Variants in SLC25A15 observed in about 807,000 individuals in gnomAD.
The protein encoded by SLC25A15 is solute carrier family 25 member 15, also known as mitochondrial ornithine transporter 1.
In SLC25A15, 24 loss-of-function variants were observed where a neutral mutation model predicts 32.3. The ratio of observed to expected loss-of-function variants is 0.74; its 90% CI spans 0.54 to 1.04. The LOEUF is 1.04. Ranked by LOEUF, SLC25A15 falls within the 50% of genes least tolerant of loss-of-function variation. The pLI is 0.00. For synonymous variants in SLC25A15, 132 were observed against 142.1 expected, an observed-to-expected ratio of 0.93 and a Z score of 0.51; for missense variants, 317 against 374.5, an observed-to-expected ratio of 0.85 and a Z score of 1.27.
chr13:40,799,521 G>A (rs994159928), intron 3 of SLC25A15, among the ~76,000 whole-genome samples: 3 of 152,084 alleles, frequency 2.0e-5, no homozygotes, highest in African/African-American at 7.2e-5. Context: ...ATCTACTGTT[G>A]TATGGTCACA....
In SLC25A15 at chr13:40,808,529, A is replaced by G. The variant is rs144631850; in HGVS notation, c.714A>G (p.Gln238=). ...TGGATTGTATCAAATCCAGAATTCAAGTTCTTTCCATGTCTGGAAAACAGG... is the reference window on the plus strand; with the variant it reads ...TGGATTGTATCAAATCCAGAATTCAGGTTCTTTCCATGTCTGGAAAACAGG... ...YPVDCIKSRI[Q]VLSMSGKQAG... The change falls in exon 6 of 7, where the codon CAA becomes CAG. Residue 238 remains glutamine, a synonymous_variant. Transcript: ENST00000338625. The G allele has an allele frequency of 5.6e-6, 9 of 1,612,526 alleles. No individual in the cohort carries two copies. The African/African-American group carries it at 1.2e-4, about 22-fold the overall frequency.
At chr13:40,797,199 G>T (rs976316616) in intron 2 of SLC25A15, among the ~76,000 whole-genome samples, 3 of 152,136 alleles carry the variant, frequency 2.0e-5, no homozygotes, top group Non-Finnish European at 2.9e-5. Flanking sequence ...GACAGTTGTT[G>T]CTAGCATTTG....
chr13:40,804,470 G>A (rs1407490640), intron 3 of SLC25A15, among the ~76,000 whole-genome samples: 1 of 152,132 alleles, frequency 6.6e-6, no homozygotes, highest in Admixed American at 6.6e-5. Context: ...GGGAACTGGG[G>A]TGCTGCTGTC....
intron 3 of SLC25A15, among the ~76,000 whole-genome samples, chr13:40,799,982 GTATT>G (rs1767301897): frequency 6.6e-6 from 1 of 152,182 alleles, no homozygotes; most frequent in South Asian, 2.1e-4. Flanking sequence ...CTTGCCTTGG[GTATT>G]TATTATATAG....
chr13:40,793,437 A>G (rs1239492904), intron 2 of SLC25A15, among the ~76,000 whole-genome samples, 156 bp downstream of exon 2: 2 of 152,236 alleles, frequency 1.3e-5, no homozygotes, highest in African/African-American at 4.8e-5. Context: ...GTTGCCTGCA[A>G]CATCCAGTAC....
chr13:40,804,526 G>A (rs563512817), intron 3 of SLC25A15, among the ~76,000 whole-genome samples: 1 of 147,974 alleles, frequency 6.8e-6, no homozygotes, highest in African/African-American at 2.5e-5. Context: ...GCACATGCAA[G>A]TTTCCTTCCT....
rs1881570937 is a variant in SLC25A15 at position 40,793,234 on chromosome 13, C to G, written c.8C>G (p.Ser3Cys). The G allele has an allele frequency of 2.5e-6, 4 of 1,614,150 alleles. No individual in the cohort carries two copies. The highest frequency in any genetic ancestry group is 3.4e-6 in the Non-Finnish European group (4 of 1,180,004). Residue 3 changes from serine (S) to cysteine (C), a missense_variant, in exon 2 of 7, where the codon TCC (serine) becomes TGC (cysteine). Ser to Cys is a moderately radical substitution (Grantham distance 112, BLOSUM62 -1). Coordinates refer to ENST00000338625, the MANE Select transcript of SLC25A15 (RefSeq NM_014252.4). ...GCAGAAGAGTGGGCAAACATGAAAT[C>G]CAATCCTGCTATCCAGGCTGCCATT... MK[S>C]NPAIQAAIDL...
At chr13:40,791,156 C>T (rs975253437) in intron 1 of SLC25A15, among the ~76,000 whole-genome samples, 6 of 151,686 alleles carry the variant, frequency 4.0e-5, no homozygotes, top group Middle Eastern at 3.2e-3. Context: ...CTCAGATTAA[C>T]GGTTGGTTTG....
intron 2 of SLC25A15, among the ~76,000 whole-genome samples, chr13:40,795,093 G>A (rs1458661232): frequency 6.6e-6 from 1 of 152,124 alleles, no homozygotes; most frequent in Non-Finnish European, 1.5e-5. Context: ...TGCCCACTGC[G>A]TGCCTTTAGG....
chr13:40,790,616 T>G (rs967426981), intron 1 of SLC25A15, among the ~76,000 whole-genome samples: 4 of 152,238 alleles, frequency 2.6e-5, no homozygotes, highest in Non-Finnish European at 4.4e-5. Flanking sequence ...AGACGGAGTT[T>G]CGCTCTTGTT....
rs745709409 is a variant in SLC25A15 at position 40,809,541 on chromosome 13, A to G, written c.782-2A>G. 2.5e-6 allele frequency: 4 copies of G among 1,612,006 alleles called. No homozygotes were observed. The highest frequency in any genetic ancestry group is 3.3e-5 in the Admixed American group (2 of 60,012). On this transcript the variant is annotated splice_acceptor_variant, in intron 6 of 6. Transcript: ENST00000338625. LOFTEE classifies it high-confidence loss of function. ...GTCTTTGACCGCCCTTTTATTTGCTAGGAATAACGGCCTTATATTCTGGAC... is the reference window on the plus strand; with the variant it reads ...GTCTTTGACCGCCCTTTTATTTGCTGGGAATAACGGCCTTATATTCTGGAC...
rs1284485390 is a variant in SLC25A15 at position 40,801,241 on chromosome 13, AAAAAG to A, written c.314+1940_314+1944del. On this transcript the variant is annotated intron_variant, in intron 3 of 6. Coordinates refer to ENST00000338625, the MANE Select transcript of SLC25A15 (RefSeq NM_014252.4). ...AGACTGTGTCTCTCAAAAAAAAAAAAAAAAGAAAAGAAAAGAAACCATCCTGATTA... is the reference window on the plus strand; with the variant it reads ...AGACTGTGTCTCTCAAAAAAAAAAAAAAAAGAAAAGAAACCATCCTGATTA... 4.0e-5 allele frequency among the ~76,000 whole-genome samples: 6 copies of A among 151,268 alleles called. No homozygotes were observed. In the East Asian group the frequency reaches 5.8e-4, roughly 15 times the overall value.
At position 40,790,522 on chromosome 13, in the gene SLC25A15, G is replaced by T. The variant is rs1881442353; in HGVS notation, c.-70+859G>T. Among the ~76,000 whole-genome samples the T allele has an allele frequency of 2.0e-5, 3 of 152,334 alleles. No homozygotes were observed. The South Asian group carries it at 6.2e-4, about 32-fold the overall frequency. On this transcript the variant is annotated intron_variant, in intron 1 of 6. Coordinates refer to ENST00000338625, the MANE Select transcript of SLC25A15 (RefSeq NM_014252.4). ...AATTAGCTGCCCACTCCTTCTGAGTGAATCTGTTAGTACCCATCATCGTTT... is the reference window on the plus strand; with the variant it reads ...AATTAGCTGCCCACTCCTTCTGAGTTAATCTGTTAGTACCCATCATCGTTT...
At chr13:40,798,706 G>A (rs1881755919) in intron 2 of SLC25A15, 2 of 944,150 alleles carry the variant, frequency 2.1e-6, no homozygotes, top group African/African-American at 3.6e-5. Context: ...TGGATGAGGA[G>A]CTGAGGCTCA....
intron 1 of SLC25A15, among the ~76,000 whole-genome samples, chr13:40,791,301 T>TTA (rs1881485379): frequency 7.1e-6 from 1 of 140,650 alleles, no homozygotes; most frequent in African/African-American, 2.6e-5. Flanking sequence ...CTGATAAACT[T>TTA]TTTATTTATT....
At chr13:40,798,021 A>T (rs1881726947) in intron 2 of SLC25A15, among the ~76,000 whole-genome samples, 1 of 152,134 alleles carries the variant, frequency 6.6e-6, no homozygotes, top group African/African-American at 2.4e-5. Flanking sequence ...ATGGTGGCTT[A>T]TGCCTCCCAG....
chr13:40,796,499 T>C lies in SLC25A15; in HGVS notation c.56-2558T>C, dbSNP rs1881673930. Among the ~76,000 whole-genome samples the C allele has an allele frequency of 2.6e-5, 4 of 152,264 alleles. No individual in the cohort carries two copies. In the South Asian group the frequency reaches 8.3e-4, roughly 31 times the overall value. ...ACAATGCAGTCACTACTTTGACTAC[T>C]GTTGCAGTTTACCTTGTTTAGCATA... On this transcript the variant is annotated intron_variant, in intron 2 of 6. Coordinates refer to ENST00000338625, the MANE Select transcript of SLC25A15 (RefSeq NM_014252.4).
intron 1 of SLC25A15, among the ~76,000 whole-genome samples, chr13:40,792,867 G>A (rs1158858975): frequency 2.6e-5 from 4 of 152,196 alleles, no homozygotes; most frequent in Admixed American, 6.5e-5. Context: ...GATGCGGTTT[G>A]GTACACCTGT....
intron 3 of SLC25A15, 26 bp from the exon 4 acceptor site, chr13:40,805,092 G>A (rs1296884679): frequency 1.3e-5 from 21 of 1,613,576 alleles, no homozygotes; most frequent in Non-Finnish European, 1.6e-5. Context: ...AAACTGAGGG[G>A]TAACTGTCTG....
Sources: allele counts gnomAD v4.1 joint callset (sites outside exome capture counted in the v4.1 genomes callset), GRCh38; gene constraint gnomAD v4.1.1; transcripts MANE v1.5; gene names NCBI Gene and HGNC (gene_info 2026-07-23, HGNC 2026-07-21).